The following RPN2 variants were observed in gnomAD, a reference collection of about 807,000 sequenced individuals.
RPN2 encodes dolichyl-diphosphooligosaccharide--protein glycosyltransferase subunit 2.
In RPN2, 29 loss-of-function variants were observed where a neutral mutation model predicts 71.4. That is an observed-to-expected ratio of 0.41 (90% CI 0.30 to 0.55). The LOEUF (loss-of-function observed/expected upper bound fraction) is 0.55. RPN2 is among the 20% of genes least tolerant of loss of function. RPN2 has a pLI of 0.35. For synonymous variants in RPN2, 308 were observed against 305.0 expected (o/e 1.01, Z -0.10); for missense variants, 726 against 774.1 (o/e 0.94, Z 0.74).
intron 8 of RPN2, among the ~76,000 whole-genome samples, chr20:37,212,758 G>A (rs1390707581): frequency 6.6e-6 from 1 of 152,162 alleles, no homozygotes; most frequent in Non-Finnish European, 1.5e-5. Flanking sequence ...CAGGATTACA[G>A]GTGTGAGCCA....
At chr20:37,225,941 G>C in intron 11 of RPN2, 139 bp downstream of exon 11, 3 of 713,438 alleles carry the variant, frequency 4.2e-6, no homozygotes, top group Non-Finnish European at 7.7e-6. Flanking sequence ...CAGTCCATCA[G>C]GTTCTCCCAC....
At chr20:37,238,913 G>A (rs2068478588) in intron 16 of RPN2, 1 of 482,784 alleles carries the variant, frequency 2.1e-6, no homozygotes, top group African/African-American at 2.0e-5. Flanking sequence ...GTGGTCTGGG[G>A]AGACTGTAAT....
chr20:37,228,132 G>A (rs185594274), intron 11 of RPN2, among the ~76,000 whole-genome samples: 4 of 152,206 alleles, frequency 2.6e-5, no homozygotes, highest in Admixed American at 2.6e-4. Flanking sequence ...TTAGCTGGAG[G>A]CACAAGGAAA....
chr20:37,238,685 G>T, intron 16 of RPN2: 1 of 736,122 alleles, frequency 1.4e-6, no homozygotes, highest in South Asian at 1.4e-5. Context: ...GAGCAGCTTT[G>T]GCCTGGCTTT....
At chr20:37,211,325 G>A (rs1470252343) in intron 8 of RPN2, among the ~76,000 whole-genome samples, 1 of 150,416 alleles carries the variant, frequency 6.6e-6, no homozygotes, top group Non-Finnish European at 1.5e-5. Flanking sequence ...GTGAGCCATT[G>A]TGCCCGGCCT....
intron 11 of RPN2, 74 bp from the exon 12 acceptor site, chr20:37,228,476 C>G: frequency 7.1e-7 from 1 of 1,411,736 alleles, no homozygotes; most frequent in Non-Finnish European, 1.0e-6. Flanking sequence ...GTCTGCTGCC[C>G]GGTGGATTCA....
chr20:37,212,009 G>A (rs2067684441), intron 8 of RPN2, among the ~76,000 whole-genome samples: 1 of 152,126 alleles, frequency 6.6e-6, no homozygotes, highest in African/African-American at 2.4e-5. Context: ...GACCTCAGGT[G>A]ATCCTCCCAC....
intron 7 of RPN2, among the ~76,000 whole-genome samples, chr20:37,208,257 A>T (rs1044952077): frequency 4.2e-5 from 5 of 119,874 alleles, no homozygotes; most frequent in Admixed American, 9.2e-5. Flanking sequence ...TGACAGAGTG[A>T]GACCCTGTCT....
Position 37,213,781 on chromosome 20 carries a change from C to A in RPN2, c.1008C>A (p.Phe336Leu), listed in dbSNP as rs1379490472. ...ACAGGGATGTTTTTGAACTAAATTT[C>A]ATGAACGTCAAATTTTCCAGTGGTT... is the stretch of plus-strand genomic sequence containing the variant. Reference protein sequence around the residue: ...TPVGDVFELNFMNVKFSSGYY... With the variant: ...TPVGDVFELNLMNVKFSSGYY... Residue 336 changes from phenylalanine (F) to leucine (L), a missense_variant, in exon 9 of 17, where the codon TTC becomes TTA. Coordinates refer to ENST00000237530, the MANE Select transcript of RPN2 (RefSeq NM_002951.5). 2 of 1,613,946 alleles carry A rather than the reference C, an allele frequency of 1.2e-6. No individual in the cohort carries two copies. Among genetic ancestry groups the A allele is most frequent in the Non-Finnish European group, 8.5e-7 (1 of 1,179,852 alleles).
chr20:37,238,706 G>C, intron 16 of RPN2: 2 of 722,180 alleles, frequency 2.8e-6, no homozygotes, highest in South Asian at 2.7e-5. Flanking sequence ...GACTGTATAA[G>C]ACTTCATTCT....
At chr20:37,237,903 T>G (rs940965584) in intron 16 of RPN2, among the ~76,000 whole-genome samples, 4 of 152,142 alleles carry the variant, frequency 2.6e-5, no homozygotes, top group Non-Finnish European at 5.9e-5. Context: ...TCGAGAAGAA[T>G]GAAATCTGCC....
At chr20:37,218,948 C>CT (rs957617254) in intron 9 of RPN2, among the ~76,000 whole-genome samples, 2 of 152,092 alleles carry the variant, frequency 1.3e-5, no homozygotes, top group Admixed American at 1.3e-4. Flanking sequence ...AGGTATTTCT[C>CT]TTTTTTGGCT....
chr20:37,213,925 T>G, intron 9 of RPN2, 60 bp downstream of exon 9: 1 of 1,200,604 alleles, frequency 8.3e-7, no homozygotes, highest in Non-Finnish European at 1.2e-6. Flanking sequence ...ATGGCCAAAT[T>G]GACACAGTAT....
chr20:37,187,921 G>A (rs942280107), intron 2 of RPN2, among the ~76,000 whole-genome samples: 17 of 152,210 alleles, frequency 1.1e-4, no homozygotes, highest in Admixed American at 9.2e-4. Context: ...GGGATTACAC[G>A]CGTGAGCCAC....
intron 9 of RPN2, among the ~76,000 whole-genome samples, chr20:37,214,915 A>T (rs1316865654): frequency 6.6e-6 from 1 of 152,038 alleles, no homozygotes; most frequent in Non-Finnish European, 1.5e-5. Context: ...TGTAATAGTT[A>T]TTACTGTGGT....
chr20:37,216,899 G>A (rs901584286), intron 9 of RPN2, among the ~76,000 whole-genome samples: 1 of 151,432 alleles, frequency 6.6e-6, no homozygotes, highest in Non-Finnish European at 1.5e-5. Flanking sequence ...TATTACCATT[G>A]TTTGTTTATA....
intron 9 of RPN2, among the ~76,000 whole-genome samples, chr20:37,216,788 AGTT>A (rs1199896156): frequency 1.3e-5 from 2 of 152,008 alleles, no homozygotes; most frequent in African/African-American, 4.8e-5. Flanking sequence ...ACATTTTTAA[AGTT>A]GTTTTCCCCC....
intron 16 of RPN2, chr20:37,238,656 G>C: frequency 1.4e-6 from 1 of 738,998 alleles, no homozygotes; most frequent in Non-Finnish European, 2.5e-6. Context: ...TAGCCCAGCT[G>C]ATGGGATAAC....
At chr20:37,204,312 T>C (rs1455728996) in intron 5 of RPN2, among the ~76,000 whole-genome samples, 2 of 152,212 alleles carry the variant, frequency 1.3e-5, no homozygotes, top group Non-Finnish European at 2.9e-5. Flanking sequence ...TGCCTAGTCA[T>C]GTTGCCTAGG....
Sources: allele counts gnomAD v4.1 joint callset (sites outside exome capture counted in the v4.1 genomes callset), GRCh38; gene constraint gnomAD v4.1.1; transcripts MANE v1.5; gene names NCBI Gene and HGNC (gene_info 2026-07-23, HGNC 2026-07-21).